KPNB1: variants seen among roughly 807,000 people sequenced by gnomAD.
KPNB1 encodes karyopherin subunit beta 1.
In KPNB1, 7 loss-of-function variants were observed where a neutral mutation model predicts 113.0. The ratio of observed to expected loss-of-function variants is 0.06; its 90% CI spans 0.04 to 0.12. KPNB1 has a LOEUF of 0.12. KPNB1 is among the 10% of genes least tolerant of loss of function. The pLI, the probability that KPNB1 is intolerant of heterozygous loss-of-function variation, is 1.00. For missense variants in KPNB1, 400 were observed against 1,054.8 expected (o/e 0.38, Z 8.60); for synonymous variants, 363 against 378.6 (o/e 0.96, Z 0.48).
intron 9 of KPNB1, among the ~76,000 whole-genome samples, chr17:47,666,550 ATAT>A (rs201918807): frequency 0.37 from 44,074 of 118,846 alleles, 6,946 homozygotes; most frequent in Middle Eastern, 0.5. Flanking sequence ...TATATATTAT[ATAT>A]TATGTTATAT....
At chr17:47,679,761 A>G (rs945362242) in intron 19 of KPNB1, 3 of 306,776 alleles carry the variant, frequency 9.8e-6, no homozygotes, top group East Asian at 6.9e-5. Context: ...CAGTGGCGCA[A>G]TCTCGGCTCA....
chr17:47,680,181 A>C (rs1345720746), intron 20 of KPNB1, 47 bp downstream of exon 20: 1 of 1,299,786 alleles, frequency 7.7e-7, no homozygotes, highest in Non-Finnish European at 1.1e-6. Flanking sequence ...TTCTCACAGA[A>C]AATGAGAAAA....
rs761440301 is a variant in KPNB1, at chr17:47,650,404, C to G, written c.59C>G (p.Ala20Gly). The stretch of plus-strand genomic sequence containing the variant: ...CCCCTAGATCGGCTGGAGCTGGAAG[C>G]GGCGCAGAAGTTCCTGGAGCGTGCG... ...TVSPDRLELEAAQKFLERAAV... is the reference protein window; with the variant it reads ...TVSPDRLELEGAQKFLERAAV... The change falls in exon 2 of 22, where the codon GCG becomes GGG. Residue 20 changes from alanine (A) to glycine (G), a missense_variant. Around this residue, in one of 2 missense-constraint regions of KPNB1, gnomAD observed 285 missense variants for 627.0 expected, o/e 0.45. Transcript: ENST00000290158. 5 of 1,610,226 alleles carry G rather than the reference C, an allele frequency of 3.1e-6. No homozygotes were observed. Among genetic ancestry groups the G allele is most frequent in the Non-Finnish European group, 4.2e-6 (5 of 1,179,156 alleles).
intron 6 of KPNB1, among the ~76,000 whole-genome samples, chr17:47,662,766 C>G (rs932703139): frequency 4.6e-5 from 7 of 151,902 alleles, no homozygotes; most frequent in Non-Finnish European, 7.4e-5. Flanking sequence ...ACCTGTAGTC[C>G]CAGCTACTTG....
intron 3 of KPNB1, among the ~76,000 whole-genome samples, chr17:47,653,082 A>G (rs571222249): frequency 2.0e-5 from 3 of 152,284 alleles, no homozygotes; most frequent in South Asian, 2.1e-4. Flanking sequence ...TTCTTTTTAG[A>G]TGACTGAGGT....
At position 47,663,907 on chromosome 17, in the gene KPNB1, C is replaced by T. The variant is rs773218824; in HGVS notation, c.787-252C>T. ...GGCTGGGGTGGGAGGTTTGTTTGAG[C>T]CTGGGAGGTGGAGGTTGCAGTAAGC... On this transcript the variant is annotated intron_variant, in intron 7 of 21. Coordinates refer to ENST00000290158, the MANE Select transcript of KPNB1 (RefSeq NM_002265.6). Among the ~76,000 whole-genome samples the T allele has an allele frequency of 2.6e-5, 4 of 151,684 alleles. No individual in the cohort carries two copies. The East Asian group carries it at 7.7e-4, about 29-fold the overall frequency.
At chr17:47,671,198 A>G (rs1031209988) in intron 12 of KPNB1, among the ~76,000 whole-genome samples, 9 of 152,192 alleles carry the variant, frequency 5.9e-5, no homozygotes, top group African/African-American at 2.2e-4. Flanking sequence ...TGGAGGTTGC[A>G]GTGAGCTGAG....
chr17:47,681,679 A>ATTAT (rs2030781838), intron 21 of KPNB1, among the ~76,000 whole-genome samples: 1 of 142,218 alleles, frequency 7.0e-6, no homozygotes, highest in South Asian at 2.2e-4. Context: ...AATTGCTGGA[A>ATTAT]TTATAGGTTT....
rs998309400 is a variant in KPNB1, at chr17:47,677,065, C to T, written c.2041C>T (p.Leu681=). The part of the protein sequence containing the change: ...VGLVGDLCRA[L]QSNIIPFCDE... ...CTTAGTGGGAGACTTGTGCCGTGCC[C>T]TGCAATCCAACATCATACCTTTCTG... is the stretch of plus-strand genomic sequence containing the variant. Residue 681 remains leucine, a synonymous_variant, in exon 17 of 22, where the codon CTG becomes TTG. Coordinates refer to ENST00000290158, the MANE Select transcript of KPNB1 (RefSeq NM_002265.6). The T allele has an allele frequency of 1.9e-6, 3 of 1,613,974 alleles. No individual in the cohort carries two copies. The highest frequency in any genetic ancestry group is 2.5e-6 in the Non-Finnish European group (3 of 1,180,022).
At chr17:47,681,865 C>A (rs933714862) in intron 21 of KPNB1, among the ~76,000 whole-genome samples, 3 of 151,882 alleles carry the variant, frequency 2.0e-5, no homozygotes, top group Non-Finnish European at 4.4e-5. Context: ...ACAGAGTCTC[C>A]TCTGTCACCC....
intron 5 of KPNB1, among the ~76,000 whole-genome samples, chr17:47,659,568 C>T (rs1006985041): frequency 4.0e-5 from 6 of 151,674 alleles, no homozygotes; most frequent in South Asian, 2.1e-4. Context: ...GCCTGTGCAA[C>T]GTAACAAAAC....
At chr17:47,650,568 T>TCCC in intron 2 of KPNB1, 124 bp downstream of exon 2, 1 of 401,552 alleles carries the variant, frequency 2.5e-6, no homozygotes, top group Non-Finnish European at 4.3e-6. Context: ...CCCTCCCCCC[T>TCCC]CCCCCTCCCC....
At chr17:47,661,693 A>G (rs1225298023) in intron 6 of KPNB1, among the ~76,000 whole-genome samples, 1 of 152,168 alleles carries the variant, frequency 6.6e-6, no homozygotes, top group African/African-American at 2.4e-5. Context: ...GGCTCACACT[A>G]TAATCCCAGC....
At chr17:47,652,926 G>A (rs758274559) in intron 3 of KPNB1, 50 bp downstream of exon 3, 57 of 1,403,088 alleles carry the variant, frequency 4.1e-5, no homozygotes, top group Middle Eastern at 3.7e-4. Flanking sequence ...ACAAGAAATC[G>A]CTTTCTCAGA....
chr17:47,681,434 G>A (rs1039438323), intron 21 of KPNB1, among the ~76,000 whole-genome samples: 3 of 151,578 alleles, frequency 2.0e-5, no homozygotes, highest in Non-Finnish European at 4.4e-5. Flanking sequence ...ACCACACCTG[G>A]CTAATTTTTT....
At chr17:47,672,167 G>A (rs1360767466) in intron 12 of KPNB1, among the ~76,000 whole-genome samples, 3 of 152,026 alleles carry the variant, frequency 2.0e-5, no homozygotes, top group South Asian at 4.1e-4. Context: ...CAACATGCCT[G>A]GCTAATTTTT....
intron 2 of KPNB1, 67 bp downstream of exon 2, chr17:47,650,511 C>T (rs995102851): frequency 6.9e-7 from 1 of 1,456,476 alleles, no homozygotes; most frequent in Non-Finnish European, 9.4e-7. Context: ...CCTTCCCGCC[C>T]TCCCGGAGGC....
At chr17:47,673,261 T>C (rs1448557444) in intron 13 of KPNB1, 96 bp downstream of exon 13, 1 of 1,204,262 alleles carries the variant, frequency 8.3e-7, no homozygotes, top group East Asian at 2.3e-5. Context: ...TTTTAGTGTT[T>C]AAGTATATAT....
At chr17:47,658,404 T>C in intron 4 of KPNB1, 104 bp from the exon 5 acceptor site, 3 of 1,270,416 alleles carry the variant, frequency 2.4e-6, no homozygotes, top group Non-Finnish European at 3.2e-6. Context: ...CCATTTTTTT[T>C]CCTCTAAATA....
Sources: allele counts gnomAD v4.1 joint callset (sites outside exome capture counted in the v4.1 genomes callset), GRCh38; gene constraint gnomAD v4.1.1; regional missense constraint gnomAD v4.1.1; transcripts MANE v1.5; gene names NCBI Gene and HGNC (gene_info 2026-07-23, HGNC 2026-07-21).